Variants in GRAMD4 observed in about 807,000 individuals in gnomAD.
GRAMD4 encodes GRAM domain containing 4.
In GRAMD4, 25 loss-of-function variants were observed where a neutral mutation model predicts 83.9. The observed-to-expected ratio is 0.30, with a 90% CI of 0.22 to 0.42. The LOEUF (loss-of-function observed/expected upper bound fraction) is 0.42. Ranked by LOEUF, GRAMD4 falls within the 10% of genes least tolerant of loss-of-function variation. The probability of loss-of-function intolerance (pLI) is 1.00; values close to 1 mark genes in which losing one functional copy is unlikely to be tolerated. For synonymous variants in GRAMD4, 336 were observed against 320.9 expected, an observed-to-expected ratio of 1.05 and a Z score of -0.50; for missense variants, 593 against 788.7, an observed-to-expected ratio of 0.75 and a Z score of 2.97.
intron 3 of GRAMD4, among the ~76,000 whole-genome samples, chr22:46,652,317 G>A (rs1474617385): frequency 6.6e-6 from 1 of 152,182 alleles, no homozygotes; most frequent in Non-Finnish European, 1.5e-5. Context: ...AAGCCAAGGA[G>A]CACAGGAGCC....
intron 3 of GRAMD4, among the ~76,000 whole-genome samples, chr22:46,644,665 C>T (rs2082041818): frequency 6.9e-6 from 1 of 145,278 alleles, no homozygotes; most frequent in African/African-American, 2.6e-5. Flanking sequence ...GTTACTGTAG[C>T]ATGGCTTCAT....
intron 3 of GRAMD4, among the ~76,000 whole-genome samples, chr22:46,647,917 A>G (rs2082094179): frequency 6.6e-6 from 1 of 152,240 alleles, no homozygotes; most frequent in Non-Finnish European, 1.5e-5. Flanking sequence ...CCAGCTCTGT[A>G]AGGAGACCCT....
At chr22:46,667,010 A>C in intron 10 of GRAMD4, 137 bp downstream of exon 10, 1 of 565,912 alleles carries the variant, frequency 1.8e-6, no homozygotes, top group South Asian at 2.6e-5. Context: ...TGGCCTGAAG[A>C]GGAGGGGAGG....
At chr22:46,618,007 C>A (rs1346135864), upstream of GRAMD4, among the ~76,000 whole-genome samples, 2 of 152,190 alleles carry the variant, frequency 1.3e-5, no homozygotes, top group Non-Finnish European at 2.9e-5. The surrounding 1 kb of genome is among the most constrained non-coding windows in gnomAD (Gnocchi z 5.8). Context: ...GTCCCTAGTC[C>A]ATGGGTGTCC....
At chr22:46,643,133 A>ATC (rs1601619807) in intron 3 of GRAMD4, among the ~76,000 whole-genome samples, 3 of 114,746 alleles carry the variant, frequency 2.6e-5, no homozygotes, top group East Asian at 3.5e-4. Context: ...GCATCCATCC[A>ATC]TGCATCCTTC....
At position 46,672,865 on chromosome 22, in the gene GRAMD4, C is replaced by G. The variant is rs774125155; in HGVS notation, c.1107C>G (p.Phe369Leu). The G allele has an allele frequency of 1.2e-6, 2 of 1,612,856 alleles. No individual in the cohort carries two copies. The highest frequency in any genetic ancestry group is 8.5e-7 in the Non-Finnish European group (1 of 1,179,584). The change falls in exon 14 of 19, where the codon TTC becomes TTG. Residue 369 changes from phenylalanine (F) to leucine (L), a missense_variant. Coordinates refer to ENST00000406902, the MANE Select transcript of GRAMD4 (RefSeq NM_015124.5). The surrounding 1 kb of genome is among the most constrained non-coding windows in gnomAD (Gnocchi z 4.7). ...CAGGACTCTATGCTGGTATCAAGTT[C>G]TTCCTCATTGATTTCATCTTTAAAC... ...LAVGLYAGIK[F>L]FLIDFIFKRC... is the part of the protein sequence containing the mutation.
intron 1 of GRAMD4, among the ~76,000 whole-genome samples, chr22:46,623,979 G>A (rs2081616519): frequency 1.3e-5 from 2 of 151,650 alleles, no homozygotes; most frequent in African/African-American, 4.9e-5. Context: ...ATGGAGGTTC[G>A]CCATGTTGAC....
chr22:46,619,926 C>T (rs879144444), upstream of GRAMD4, among the ~76,000 whole-genome samples: 3 of 152,134 alleles, frequency 2.0e-5, no homozygotes, highest in Admixed American at 2.0e-4. Flanking sequence ...TGTGGGAAAG[C>T]GGATGCTGTT....
downstream of GRAMD4, chr22:46,682,561 T>C (rs1048186151): frequency 2.7e-5 from 9 of 327,720 alleles, no homozygotes; most frequent in Non-Finnish European, 3.1e-5. Context: ...CGGCCACTCC[T>C]GCGGTGAACA....
intron 10 of GRAMD4, among the ~76,000 whole-genome samples, chr22:46,667,655 CCAGGGGT>C (rs1179958881): frequency 6.6e-6 from 1 of 152,208 alleles, no homozygotes; most frequent in Non-Finnish European, 1.5e-5. Flanking sequence ...GCATGGAGCA[CCAGGGGT>C]CAGGGCAAGT....
intron 13 of GRAMD4, among the ~76,000 whole-genome samples, chr22:46,671,506 A>G (rs1275613072): frequency 6.7e-6 from 1 of 149,692 alleles, no homozygotes; most frequent in Non-Finnish European, 1.5e-5. Context: ...ATTAAAAAAA[A>G]TTAGCCAGGC....
At chr22:46,616,192 AC>A (rs2147114676), upstream of GRAMD4, among the ~76,000 whole-genome samples, 2 of 60,060 alleles carry the variant, frequency 3.3e-5, no homozygotes. Context: ...CCCTGTGTGT[AC>A]GTTCCCCTGT....
At chr22:46,586,416 G>GTCCCCTCCTCTGTCTGCCC (rs943602968) in intron 1 of GRAMD4, among the ~76,000 whole-genome samples, 1 of 151,892 alleles carries the variant, frequency 6.6e-6, no homozygotes, top group Non-Finnish European at 1.5e-5. Context: ...GAGGGGCTCT[G>GTCCCCTCCTCTGTCTGCCC]TCCCCTCCTC....
chr22:46,579,061 GGGCAGGCGGGGCCTGTCCGGT>G (rs1051866793), intron 1 of GRAMD4, among the ~76,000 whole-genome samples: 3 of 152,236 alleles, frequency 2.0e-5, no homozygotes, highest in Non-Finnish European at 4.4e-5. Flanking sequence ...TGCAGCCTGG[GGGCAGGCGGGGCCTGTCCGGT>G]GATGTCTGTC....
chr22:46,658,365 A>G (rs868509006), intron 4 of GRAMD4, 58 bp downstream of exon 4: 1 of 755,736 alleles, frequency 1.3e-6, no homozygotes, highest in African/African-American at 2.8e-5. Flanking sequence ...CCCCCACCCC[A>G]CCCGCCCCGC....
In GRAMD4 at chr22:46,648,863, C is replaced by CATGG. The variant is rs1353875354; in HGVS notation, c.284-9292_284-9289dup. 8.5e-3 allele frequency among the ~76,000 whole-genome samples: 144 copies of CATGG among 16,980 alleles called. 4 individuals carry two copies. The highest frequency in any genetic ancestry group is 0.013 in the South Asian group (7 of 530). 11.1% of individuals were successfully genotyped at this position (16,980 alleles called of 152,430 possible). ...GGATGGATGCATGGATGGATGGATG[C>CATGG]ATGGATGGATGGATGGATGGATGGA... On this transcript the variant is annotated intron_variant, in intron 3 of 18. Coordinates refer to ENST00000406902, the MANE Select transcript of GRAMD4 (RefSeq NM_015124.5).
chr22:46,615,685 TAGGTTCCCCTGTGC>T (rs2081476018), upstream of GRAMD4, among the ~76,000 whole-genome samples: 1 of 93,068 alleles, frequency 1.1e-5, no homozygotes, highest in African/African-American at 4.1e-5. Flanking sequence ...CCCCTGTGCG[TAGGTTCCCCTGTGC>T]GTAGGTTCCC....
intron 3 of GRAMD4, among the ~76,000 whole-genome samples, chr22:46,654,521 C>T (rs1422005540): frequency 3.3e-5 from 5 of 152,190 alleles, no homozygotes; most frequent in African/African-American, 1.2e-4. Context: ...GGGCGGGGGG[C>T]TGGGGGCTCG....
chr22:46,613,153 C>G (rs1168945831), intron 1 of GRAMD4, among the ~76,000 whole-genome samples: 1 of 152,208 alleles, frequency 6.6e-6, no homozygotes, highest in African/African-American at 2.4e-5. Flanking sequence ...GAGAGTAGGG[C>G]TGTGTTTTTG....
Sources: gnomAD v4.1 joint callset for allele counts (sites outside exome capture counted in the v4.1 genomes callset) on GRCh38, gnomAD v4.1.1 for gene constraint, Gnocchi (gnomAD v3.1) non-coding constraint, MANE v1.5 for transcripts, NCBI Gene and HGNC (gene_info 2026-07-23, HGNC 2026-07-21) for gene names.